Variants in RP1 observed in about 807,000 individuals in gnomAD.
RP1 encodes RP1 axonemal microtubule associated.
A neutral mutation model predicts 14.8 loss-of-function variants in RP1; 16 were observed. That is an observed-to-expected ratio of 1.08 (90% CI 0.73 to 1.65). The LOEUF is 1.65. Ranked by LOEUF, RP1 falls within the 40% of genes most tolerant of loss-of-function variation. The pLI, the probability that RP1 is intolerant of heterozygous loss-of-function variation, is 0.00. For synonymous variants in RP1, 876 were observed against 883.6 expected (o/e 0.99, Z 0.15); for missense variants, 2,631 against 2,535.0 (o/e 1.04, Z -0.81).
Position 54,865,696 on chromosome 8 carries a change from G to C in RP1, c.4070-139G>C, listed in dbSNP as rs1812442260. 2 of 392,472 alleles carry C rather than the reference G, an allele frequency of 5.1e-6. 1 individual carries two copies. The highest frequency in any genetic ancestry group is 2.9e-4 in the South Asian group (2 of 6,988). 24.3% of individuals were successfully genotyped at this position (392,472 alleles called of 1,614,324 possible). ...CACTCACATTTTCATTTCTCTACGG[G>C]CATAATTTGCATGTGCATATTTTTG... is the stretch of plus-strand genomic sequence containing the variant. On this transcript the variant is annotated intron_variant, in intron 27 of 28. Transcript: ENST00000637698.
intron 24 of RP1, among the ~76,000 whole-genome samples, chr8:54,828,666 T>C (rs955955927): frequency 2.0e-5 from 3 of 152,094 alleles, no homozygotes; most frequent in African/African-American, 7.2e-5. Flanking sequence ...GACTATGACA[T>C]TATCATTATC....
At chr8:54,778,575 G>C (rs1032683203) in intron 23 of RP1, among the ~76,000 whole-genome samples, 2 of 151,960 alleles carry the variant, frequency 1.3e-5, no homozygotes, top group Non-Finnish European at 2.9e-5. Context: ...CGCCCACCTC[G>C]GCCTCCCAAA....
intron 17 of RP1, among the ~76,000 whole-genome samples, chr8:54,730,835 A>G (rs944350212): frequency 6.6e-6 from 1 of 152,124 alleles, no homozygotes; most frequent in Admixed American, 6.6e-5. Flanking sequence ...AAACAAGACT[A>G]TGTTAATTTT....
At chr8:54,818,910 G>A (rs1440773367) in intron 24 of RP1, among the ~76,000 whole-genome samples, 1 of 152,110 alleles carries the variant, frequency 6.6e-6, no homozygotes, top group Admixed American at 6.5e-5. Flanking sequence ...GGCTTAAGTA[G>A]GGGCAGAAAA....
intron 1 of RP1, among the ~76,000 whole-genome samples, chr8:54,578,611 T>C (rs927477049): frequency 6.6e-6 from 1 of 152,246 alleles, no homozygotes; most frequent in African/African-American, 2.4e-5. Context: ...AATTTTACTC[T>C]GGAAGTGAAA....
At chr8:54,855,352 T>A (rs1235933334) in intron 26 of RP1, among the ~76,000 whole-genome samples, 1 of 152,240 alleles carries the variant, frequency 6.6e-6, no homozygotes, top group Non-Finnish European at 1.5e-5. Flanking sequence ...TTTCATGTTT[T>A]GTTTATCCAT....
At chr8:54,605,442 A>G (rs34511461) in intron 1 of RP1, among the ~76,000 whole-genome samples, 36 of 151,746 alleles carry the variant, frequency 2.4e-4, no homozygotes, top group East Asian at 3.9e-4. Flanking sequence ...ATTTGCTGAG[A>G]AGTGCTTTAC....
intron 3 of RP1, among the ~76,000 whole-genome samples, chr8:54,642,699 G>A (rs1040788483): frequency 4.6e-5 from 7 of 152,052 alleles, no homozygotes; most frequent in Non-Finnish European, 1.0e-4. Context: ...ATAGTTTGGC[G>A]TCGTTCTGAG....
intron 27 of RP1, among the ~76,000 whole-genome samples, chr8:54,857,556 A>T (rs1266511835): frequency 1.3e-5 from 2 of 151,910 alleles, no homozygotes; most frequent in Non-Finnish European, 2.9e-5. Flanking sequence ...AAGTTTTGTC[A>T]GGTTGAGTTT....
At chr8:54,864,544 G>A (rs1812418493) in intron 27 of RP1, among the ~76,000 whole-genome samples, 1 of 152,112 alleles carries the variant, frequency 6.6e-6, no homozygotes, top group Non-Finnish European at 1.5e-5. Flanking sequence ...AATGTTTACA[G>A]ATCATCAAGC....
rs533360003 is a variant in RP1, at chr8:54,608,900, A to T, written c.-12-12055A>T. ...TGAAGATGGGGGCTGGGACTGTCTT[A>T]TCTGTAGTCACATGGACAGGATCTG... On this transcript the variant is annotated intron_variant, in intron 1 of 22. Coordinates refer to the RP1 transcript ENST00000636932. 1.4e-4 allele frequency among the ~76,000 whole-genome samples: 21 copies of T among 152,270 alleles called. No homozygotes were observed. The South Asian group carries it at 4.4e-3, about 32-fold the overall frequency.
chr8:54,868,212 T>C (rs1456117475), intron 28 of RP1, among the ~76,000 whole-genome samples: 1 of 152,188 alleles, frequency 6.6e-6, no homozygotes, highest in Non-Finnish European at 1.5e-5. Flanking sequence ...GAAAGTGACT[T>C]ATTTCTACAT....
At chr8:54,688,288 T>C (rs1807617365) in intron 12 of RP1, among the ~76,000 whole-genome samples, 1 of 152,204 alleles carries the variant, frequency 6.6e-6, no homozygotes, top group South Asian at 2.1e-4. Context: ...TGATAGTTAC[T>C]TTTGCTGCAC....
In RP1 at chr8:54,626,188, A is replaced by G. The variant is rs1369970425; in HGVS notation, c.2306A>G (p.Lys769Arg). 1.2e-6 allele frequency: 2 copies of G among 1,610,588 alleles called. No individual in the cohort carries two copies. Among genetic ancestry groups the G allele is most frequent in the Non-Finnish European group, 1.7e-6 (2 of 1,178,318 alleles). ...AAATTAAATACTACTCAAAATTCCA[A>G]GGTTCAAGGACTTTTAACCAAAAGA... is the stretch of plus-strand genomic sequence containing the variant. The part of the protein sequence containing the change: ...RNKLNTTQNS[K>R]VQGLLTKRKS... Residue 769 changes from lysine to arginine, a missense_variant, in exon 4 of 4, where the codon AAG becomes AGG. Coordinates refer to ENST00000220676, the MANE Select transcript of RP1 (RefSeq NM_006269.2).
chr8:54,715,184 G>A (rs1808372748), intron 15 of RP1, among the ~76,000 whole-genome samples: 1 of 152,194 alleles, frequency 6.6e-6, no homozygotes, highest in African/African-American at 2.4e-5. Flanking sequence ...CCAAATAGAG[G>A]GAAATGGGCA....
At chr8:54,796,753 G>A (rs1360411289) in intron 24 of RP1, among the ~76,000 whole-genome samples, 1 of 152,108 alleles carries the variant, frequency 6.6e-6, no homozygotes. Context: ...CCAGGATCCA[G>A]AATGGTGAGA....
downstream of RP1, among the ~76,000 whole-genome samples, chr8:54,632,185 G>T (rs781626973): frequency 2.0e-5 from 3 of 152,126 alleles, no homozygotes; most frequent in Non-Finnish European, 4.4e-5. Context: ...ATTCTCTAGT[G>T]CAGGGAGACA....
At chr8:54,847,720 C>T (rs1438594429) in intron 25 of RP1, among the ~76,000 whole-genome samples, 1 of 152,236 alleles carries the variant, frequency 6.6e-6, no homozygotes, top group African/African-American at 2.4e-5. Flanking sequence ...ATCCAACCTG[C>T]TGCTATTCAT....
In RP1 at chr8:54,719,986, CAG is replaced by C; in HGVS notation, c.2212-142_2212-141del. The C allele has an allele frequency of 5.9e-6, 4 of 673,226 alleles. 1 individual carries two copies. Among genetic ancestry groups the C allele is most frequent in the South Asian group, 4.5e-5 (2 of 44,870 alleles). 41.7% of individuals were successfully genotyped at this position (673,226 alleles called of 1,614,324 possible). A position where few individuals can be genotyped will look rare whatever the true frequency, so the allele number is the denominator to read the frequency against. ...ATCTTGTGAAATAGGATGAAGCACACAGGGCAATTTACGTAAAAAGGCTCTAG... is the reference window on the plus strand; with the variant it reads ...ATCTTGTGAAATAGGATGAAGCACACGGCAATTTACGTAAAAAGGCTCTAG... On this transcript the variant is annotated intron_variant, in intron 15 of 22. Coordinates refer to the RP1 transcript ENST00000636932.
Sources: gnomAD v4.1 joint callset for allele counts (sites outside exome capture counted in the v4.1 genomes callset) on GRCh38, gnomAD v4.1.1 for gene constraint, MANE v1.5 for transcripts, NCBI Gene and HGNC (gene_info 2026-07-23, HGNC 2026-07-21) for gene names.